Variants in LRRK2 observed in about 807,000 individuals in gnomAD.
The protein encoded by LRRK2 is leucine-rich repeat serine/threonine-protein kinase 2.
LRRK2 carries 203 observed loss-of-function variants against 302.6 expected under a neutral mutation model. That is an observed-to-expected ratio of 0.67 (90% CI 0.60 to 0.75). LRRK2 has a LOEUF of 0.75. Ranked by LOEUF, LRRK2 falls within the 30% of genes least tolerant of loss-of-function variation. The pLI is 0.00. For synonymous variants in LRRK2, 1,066 were observed against 1,031.9 expected (o/e 1.03, Z -0.63); for missense variants, 2,830 against 2,951.0 (o/e 0.96, Z 0.95).
intron 45 of LRRK2, among the ~76,000 whole-genome samples, 155 bp from the exon 46 acceptor site, chr12:40,355,960 C>G (rs1946523655): frequency 6.6e-6 from 1 of 152,030 alleles, no homozygotes; most frequent in Admixed American, 6.6e-5. Flanking sequence ...TTTATAATTC[C>G]AAGTCTTCTA....
chr12:40,358,926 C>T lies in LRRK2; in HGVS notation c.6844-334C>T, dbSNP rs190799291. Among the ~76,000 whole-genome samples, 818 of 151,722 alleles carry T rather than the reference C, an allele frequency of 5.4e-3. 7 individuals are homozygous for T. Among genetic ancestry groups the T allele is most frequent in the Non-Finnish European group, 0.01 (694 of 67,898 alleles). Reference sequence around the variant, plus strand: ...GTTTTTCAGGTTTCCTTATAGAGATCGTTCATCATCTTTGTTAAATTTACT... The same window carrying T: ...GTTTTTCAGGTTTCCTTATAGAGATTGTTCATCATCTTTGTTAAATTTACT... On this transcript the variant is annotated intron_variant, in intron 46 of 50. Transcript: ENST00000298910.
At chr12:40,348,379 A>C in intron 42 of LRRK2, 30 bp from the exon 43 acceptor site, 5 of 1,406,152 alleles carry the variant, frequency 3.6e-6, no homozygotes, top group Non-Finnish European at 5.0e-6. Context: ...CTTATTTAGT[A>C]TGCTAGCATG....
At position 40,310,598 on chromosome 12, in the gene LRRK2, T is replaced by A; in HGVS notation, c.4485T>A (p.Asp1495Glu). 3 of 1,612,500 alleles carry A rather than the reference T, an allele frequency of 1.9e-6. No homozygotes were observed. Among genetic ancestry groups the A allele is most frequent in the Non-Finnish European group, 2.5e-6 (3 of 1,179,602 alleles). ...YHFVNATEESDALAKLRKTII... is the reference protein window; with the variant it reads ...YHFVNATEESEALAKLRKTII... ...TTGTGAATGCCACCGAGGAATCTGATGCTTTGGCAAAACTTCGGAAAACCA... is the reference window on the plus strand; with the variant it reads ...TTGTGAATGCCACCGAGGAATCTGAAGCTTTGGCAAAACTTCGGAAAACCA... Residue 1495 changes from aspartate (D) to glutamate (E), a missense_variant, in exon 31 of 51, where the codon GAT (aspartate) becomes GAA (glutamate). Asp to Glu is a conservative substitution (Grantham distance 45, BLOSUM62 2). Coordinates refer to ENST00000298910, the MANE Select transcript of LRRK2 (RefSeq NM_198578.4).
chr12:40,320,150 G>A lies in LRRK2; in HGVS notation c.4990G>A (p.Glu1664Lys), dbSNP rs955541626. ...EKFQIALPIG[E>K]EYLLVPSSLS... ...ATTCCAGATTGCTTTGCCAATAGGA[G>A]AAGAATATTTGCTGGTTCCAAGCAG... The change falls in exon 34 of 51, where the codon GAA becomes AAA. Residue 1664 changes from glutamate to lysine, a missense_variant. By Grantham distance (56) the Glu-to-Lys change is moderately conservative (BLOSUM62 1). Coordinates refer to ENST00000298910, the MANE Select transcript of LRRK2 (RefSeq NM_198578.4). 3.1e-6 allele frequency: 5 copies of A among 1,611,980 alleles called. No individual in the cohort carries two copies. The African/African-American group carries it at 6.7e-5, about 22-fold the overall frequency.
chr12:40,328,646 C>T (rs570962925), intron 39 of LRRK2, among the ~76,000 whole-genome samples, 186 bp downstream of exon 39: 2 of 152,272 alleles, frequency 1.3e-5, no homozygotes, highest in African/African-American at 4.8e-5. Flanking sequence ...TGTTGAGAAA[C>T]AAAACACTGT....
intron 14 of LRRK2, among the ~76,000 whole-genome samples, chr12:40,272,435 G>C (rs1004909380): frequency 1.3e-5 from 2 of 152,052 alleles, no homozygotes; most frequent in African/African-American, 4.8e-5. Context: ...CTGTACTTCG[G>C]GACAACAATA....
intron 5 of LRRK2, 59 bp from the exon 6 acceptor site, chr12:40,240,424 A>G (rs903431810): frequency 2.0e-6 from 3 of 1,477,354 alleles, no homozygotes; most frequent in South Asian, 1.2e-5. Context: ...TAATTTTTGA[A>G]TAATTAAACT....
rs543719033 is a variant in LRRK2 at position 40,266,478 on chromosome 12, C to T, written c.1656+2577C>T. ...TACCATCTCACACCAGTTAGAATGG[C>T]GATCATTAAAAAGTCAGGAAACAAC... On this transcript the variant is annotated intron_variant, in intron 14 of 50. Transcript: ENST00000298910. Among the ~76,000 whole-genome samples the T allele has an allele frequency of 4.2e-4, 64 of 152,114 alleles. 1 individual carries two copies. The highest frequency in any genetic ancestry group is 1.7e-3 in the South Asian group (8 of 4,810).
At chr12:40,280,215 T>A (rs2136636864) in intron 18 of LRRK2, among the ~76,000 whole-genome samples, 1 of 152,130 alleles carries the variant, frequency 6.6e-6, no homozygotes. Context: ...CTTTGGGATG[T>A]TGAGGTGGGA....
At chr12:40,266,262 G>T (rs1211462426) in intron 14 of LRRK2, among the ~76,000 whole-genome samples, 1 of 152,028 alleles carries the variant, frequency 6.6e-6, no homozygotes, top group Admixed American at 6.5e-5. Flanking sequence ...ATCTGACAAA[G>T]GGCTAATATC....
chr12:40,238,440 T>C (rs942913280), intron 5 of LRRK2, among the ~76,000 whole-genome samples: 1 of 152,192 alleles, frequency 6.6e-6, no homozygotes, highest in African/African-American at 2.4e-5. Flanking sequence ...ACTGGGATTA[T>C]GATGTTGAGT....
chr12:40,270,996 T>G (rs753086666), intron 14 of LRRK2, among the ~76,000 whole-genome samples: 2 of 152,088 alleles, frequency 1.3e-5, no homozygotes, highest in African/African-American at 2.4e-5. Context: ...CCCAGGCTGG[T>G]CTCAAACTCC....
At chr12:40,268,107 C>T (rs1943097704) in intron 14 of LRRK2, among the ~76,000 whole-genome samples, 1 of 152,102 alleles carries the variant, frequency 6.6e-6, no homozygotes, top group Admixed American at 6.6e-5. Context: ...TATGCCTGAT[C>T]CTTTTAGCTT....
chr12:40,347,930 C>T (rs12579576), intron 42 of LRRK2, among the ~76,000 whole-genome samples: 2 of 148,838 alleles, frequency 1.3e-5, no homozygotes, highest in Non-Finnish European at 3.0e-5. Flanking sequence ...GCACTCCAGC[C>T]TAAGCAACAA....
chr12:40,290,643 G>T (rs1944108265), intron 20 of LRRK2, among the ~76,000 whole-genome samples: 2 of 151,932 alleles, frequency 1.3e-5, no homozygotes. Context: ...CAAGGAATAT[G>T]CCCATTTCAT....
At chr12:40,233,417 C>A (rs937452003) in intron 3 of LRRK2, among the ~76,000 whole-genome samples, 4 of 152,116 alleles carry the variant, frequency 2.6e-5, no homozygotes, top group Admixed American at 6.5e-5. Context: ...TAAATTTAGA[C>A]AAATTAGAGC....
intron 49 of LRRK2, chr12:40,366,160 C>T (rs1447648093): frequency 6.6e-6 from 1 of 151,928 alleles, no homozygotes; most frequent in Admixed American, 6.6e-5. Flanking sequence ...ACATTCCTAC[C>T]AGATCTTGCT....
At chr12:40,361,649 A>T (rs1946711583) in intron 47 of LRRK2, among the ~76,000 whole-genome samples, 1 of 152,122 alleles carries the variant, frequency 6.6e-6, no homozygotes, top group Non-Finnish European at 1.5e-5. Context: ...GATTTGGAGC[A>T]TAGATGCTTT....
intron 35 of LRRK2, 101 bp downstream of exon 35, chr12:40,321,289 C>A: frequency 1.7e-6 from 2 of 1,148,104 alleles, no homozygotes; most frequent in South Asian, 1.4e-5. Flanking sequence ...AAGTAATATG[C>A]CATTTTCTCA....
Sources: allele counts gnomAD v4.1 joint callset (sites outside exome capture counted in the v4.1 genomes callset), GRCh38; gene constraint gnomAD v4.1.1; transcripts MANE v1.5; gene names NCBI Gene and HGNC (gene_info 2026-07-23, HGNC 2026-07-21).